CBX7: variants seen among roughly 807,000 people sequenced by gnomAD.
CBX7 encodes chromobox 7, also known as chromobox protein homolog 7.
In CBX7, 14 loss-of-function variants were observed where a neutral mutation model predicts 31.4. That is an observed-to-expected ratio of 0.45 (90% CI 0.29 to 0.70). The LOEUF (loss-of-function observed/expected upper bound fraction) is 0.70, where lower values mean the gene tolerates loss of function less well. CBX7 is among the 30% of genes least tolerant of loss of function. CBX7 has a pLI of 0.11. For synonymous variants in CBX7, 159 were observed against 152.6 expected (o/e 1.04, Z -0.31); for missense variants, 269 against 351.9 (o/e 0.76, Z 1.89).
chr22:39,145,095 G>A (rs1257377341), intron 2 of CBX7, among the ~76,000 whole-genome samples: 1 of 152,202 alleles, frequency 6.6e-6, no homozygotes, highest in African/African-American at 2.4e-5. Flanking sequence ...CCGACCGCAG[G>A]GCGCGGCGCA....
At chr22:39,143,106 T>C (rs1167504068) in intron 2 of CBX7, among the ~76,000 whole-genome samples, 1 of 151,902 alleles carries the variant, frequency 6.6e-6, no homozygotes, top group Non-Finnish European at 1.5e-5. Flanking sequence ...ATACAAAAAT[T>C]AGCCAGACAT....
intron 2 of CBX7, chr22:39,148,456 A>G (rs1385497745): frequency 1.3e-5 from 2 of 152,316 alleles, no homozygotes; most frequent in Non-Finnish European, 2.9e-5. Context: ...CCTGGTGCGA[A>G]GCGAGAGAGG....
Position 39,134,756 on chromosome 22 carries a change from CG to C in CBX7, c.247-5del. 2 of 1,502,052 alleles carry C rather than the reference CG, an allele frequency of 1.3e-6. No individual in the cohort carries two copies. Among genetic ancestry groups the C allele is most frequent in the Non-Finnish European group, 8.9e-7 (1 of 1,117,386 alleles). 93.0% of individuals were successfully genotyped at this position (1,502,052 alleles called of 1,614,324 possible). ...GCAGGTCCATGCTGTACAGCCGCTGCGGGGGCAAGCCAGGGCAGCGCGGGTC... is the reference window on the plus strand; with the variant it reads ...GCAGGTCCATGCTGTACAGCCGCTGCGGGGCAAGCCAGGGCAGCGCGGGTC... On this transcript the variant is annotated splice_polypyrimidine_tract_variant and splice_region_variant and intron_variant, in intron 4 of 5. Transcript: ENST00000216133.
chr22:39,145,781 CGTGACCTCCCCGCCCCGCCCCACGGCCG>C (rs1930636573), intron 2 of CBX7, among the ~76,000 whole-genome samples: 1 of 151,212 alleles, frequency 6.6e-6, no homozygotes, highest in Non-Finnish European at 1.5e-5. Context: ...AACACGGCCA[CGTGACCTCCCCGCCCCGCCCCACGGCCG>C]GGTAAACAAG....
rs1390133673 is a variant in CBX7 at position 39,152,421 on chromosome 22, C to A, written c.24G>T (p.Glu8Asp). ...GGATGCTCTCCACGGCGAACACCTG[C>A]TCGCCGATGGCTGACAGCTCCATGC... is the stretch of plus-strand genomic sequence containing the variant. MELSAIG[E>D]QVFAVESIRK... Residue 8 changes from glutamate to aspartate, a missense_variant, in exon 1 of 6, where the codon GAG (glutamate) becomes GAT (aspartate). Physicochemically the swap from Glu to Asp is conservative, Grantham distance 45. Transcript: ENST00000216133. This position sits in a 1 kb window ranked among gnomAD's most constrained non-coding sequence, Gnocchi z 4.9. 3 of 1,331,738 alleles carry A rather than the reference C, an allele frequency of 2.3e-6. No homozygotes were observed. The allele number at this position is 1,331,738 out of a possible 1,614,324, so 82.5% of individuals were successfully genotyped here. A position where few individuals can be genotyped will look rare whatever the true frequency, so the allele number is the denominator to read the frequency against.
chr22:39,140,963 G>C (rs1007855709), intron 3 of CBX7, among the ~76,000 whole-genome samples: 1 of 152,196 alleles, frequency 6.6e-6, no homozygotes, highest in African/African-American at 2.4e-5. Context: ...CACCGTCTCT[G>C]ATCTGTCACC....
At chr22:39,144,838 G>A (rs1930585456) in intron 2 of CBX7, among the ~76,000 whole-genome samples, 1 of 152,250 alleles carries the variant, frequency 6.6e-6, no homozygotes, top group Admixed American at 6.5e-5. Context: ...GGGACCGCCA[G>A]GACCGCACCC....
At chr22:39,149,385 G>A (rs886850632) in intron 2 of CBX7, 2 of 233,516 alleles carry the variant, frequency 8.6e-6, no homozygotes, top group Non-Finnish European at 8.4e-6. Context: ...TCTGCCCCTG[G>A]CCACACAGCA....
chr22:39,141,301 C>T, intron 3 of CBX7, 70 bp downstream of exon 3: 1 of 1,413,656 alleles, frequency 7.1e-7, no homozygotes, highest in Non-Finnish European at 9.8e-7. Context: ...CCTGCCAAGC[C>T]AGCAGCAGGC....
chr22:39,134,400 C>T lies in CBX7; in HGVS notation c.598+1G>A. On this transcript the variant is annotated splice_donor_variant, in intron 5 of 5. Transcript: ENST00000216133. LOFTEE classifies it high-confidence loss of function. ...GGGTCTCTGGGCTGGGGCCGCCTTA[C>T]CCTCCTCTTCAGGGGGCTGCGCAGC... is the stretch of plus-strand genomic sequence containing the variant. 2 of 1,596,638 alleles carry T rather than the reference C, an allele frequency of 1.3e-6. No homozygotes were observed. The highest frequency in any genetic ancestry group is 1.7e-6 in the Non-Finnish European group (2 of 1,178,220).
At chr22:39,134,238 G>T in intron 5 of CBX7, 163 bp downstream of exon 5, 1 of 853,630 alleles carries the variant, frequency 1.2e-6, no homozygotes, top group African/African-American at 1.7e-5. Flanking sequence ...CTCAGCCAGA[G>T]CGGGACGACA....
At chr22:39,145,915 C>G (rs1480498837) in intron 2 of CBX7, among the ~76,000 whole-genome samples, 9 of 152,100 alleles carry the variant, frequency 5.9e-5, no homozygotes, top group Non-Finnish European at 1.0e-4. Flanking sequence ...AGGACCCCCG[C>G]CGGCCTTTCC....
chr22:39,132,272 T>C lies in CBX7; in HGVS notation c.*1619A>G, dbSNP rs1009041103. On this transcript the variant is annotated 3_prime_UTR_variant, in exon 6 of 6. Transcript: ENST00000216133. ...AAGAATCACCCTCTCCTTGCCTCAG[T>C]AGACTCTGTGACTTCCTGAGGACAC... 6 of 152,364 alleles carry C rather than the reference T, an allele frequency of 3.9e-5. No individual in the cohort carries two copies. Among genetic ancestry groups the C allele is most frequent in the South Asian group, 2.1e-4 (1 of 4,828 alleles). The allele number at this position is 152,364 out of a possible 1,614,324, so 9.4% of individuals were successfully genotyped here. A position where few individuals can be genotyped will look rare whatever the true frequency, so the allele number is the denominator to read the frequency against.
In CBX7 at chr22:39,141,387, T is replaced by C. The variant is rs1930450231; in HGVS notation, c.163A>G (p.Met55Val). The change falls in exon 3 of 6, where the codon ATG becomes GTG. Residue 55 changes from methionine to valine, a missense_variant. Physicochemically the swap from Met to Val is conservative, Grantham distance 21. Coordinates refer to ENST00000216133, the MANE Select transcript of CBX7 (RefSeq NM_175709.5). The part of the protein sequence containing the change: ...EEHILDPRLV[M>V]AYEEKEERDR... ...ACACCGTACTTCTCCTCGTAGGCCA[T>C]GACGAGGCGGGGGTCCAAGATGTGC... 6.2e-7 allele frequency: 1 copy of C among 1,612,312 alleles called. No individual in the cohort carries two copies. The highest frequency in any genetic ancestry group is 2.2e-5 in the East Asian group (1 of 44,788).
In CBX7 at chr22:39,140,817, C is replaced by T. The variant is rs188469893; in HGVS notation, c.179+554G>A. 4.9e-3 allele frequency among the ~76,000 whole-genome samples: 739 copies of T among 152,112 alleles called. 3 individuals carry two copies. Among genetic ancestry groups the T allele is most frequent in the Non-Finnish European group, 7.9e-3 (536 of 67,956 alleles). ...GCCCTGGCAGAGGTGGGAGACTGTG[C>T]CTGGGCCACTTGGACAGGAGGTGGC... On this transcript the variant is annotated intron_variant, in intron 3 of 5. Coordinates refer to ENST00000216133, the MANE Select transcript of CBX7 (RefSeq NM_175709.5).
intron 2 of CBX7, among the ~76,000 whole-genome samples, chr22:39,142,297 C>T (rs1930487707): frequency 6.6e-6 from 1 of 152,180 alleles, no homozygotes; most frequent in African/African-American, 2.4e-5. Context: ...CTGTTCCTCC[C>T]CGCCCTCCAA....
rs1197858755 is a variant in CBX7 at position 39,152,501 on chromosome 22, G to T, written c.-57C>A. 1 of 806,634 alleles carries T rather than the reference G, an allele frequency of 1.2e-6. No homozygotes were observed. The highest frequency in any genetic ancestry group is 1.5e-6 in the Non-Finnish European group (1 of 666,392). The allele number at this position is 806,634 out of a possible 1,614,324, so 50.0% of individuals were successfully genotyped here. A position where few individuals can be genotyped will look rare whatever the true frequency, so the allele number is the denominator to read the frequency against. On this transcript the variant is annotated 5_prime_UTR_variant, in exon 1 of 6. Coordinates refer to ENST00000216133, the MANE Select transcript of CBX7 (RefSeq NM_175709.5). The surrounding 1 kb of genome is among the most constrained non-coding windows in gnomAD (Gnocchi z 4.9). Reference sequence around the variant, plus strand: ...GGCCGGGCCGGGGGCGGAGCTGCGGGGCCGCGGCTGCGGCGCGCGATGCTG... The same window carrying T: ...GGCCGGGCCGGGGGCGGAGCTGCGGTGCCGCGGCTGCGGCGCGCGATGCTG...
intron 2 of CBX7, chr22:39,148,862 A>G (rs977901473): frequency 6.6e-6 from 1 of 152,016 alleles, no homozygotes; most frequent in African/African-American, 2.4e-5. Flanking sequence ...CCCCACCATC[A>G]CCCCAGAATG....
chr22:39,152,098 C>T lies in CBX7; in HGVS notation c.69+278G>A, dbSNP rs1178108729. On this transcript the variant is annotated intron_variant, in intron 1 of 5. Transcript: ENST00000216133. The surrounding 1 kb of genome is among the most constrained non-coding windows in gnomAD (Gnocchi z 4.9). ...CCCCATATTTACAATAAAAGGGGAGCGAGGTGGGATGGCGCTGAGGATCCC... is the reference window on the plus strand; with the variant it reads ...CCCCATATTTACAATAAAAGGGGAGTGAGGTGGGATGGCGCTGAGGATCCC... 1.3e-5 allele frequency among the ~76,000 whole-genome samples: 2 copies of T among 152,122 alleles called. No homozygotes were observed. Among genetic ancestry groups the T allele is most frequent in the African/African-American group, 4.8e-5 (2 of 41,434 alleles).
Sources: gnomAD v4.1 joint callset for allele counts (sites outside exome capture counted in the v4.1 genomes callset) on GRCh38, gnomAD v4.1.1 for gene constraint, Gnocchi (gnomAD v3.1) non-coding constraint, MANE v1.5 for transcripts, NCBI Gene and HGNC (gene_info 2026-07-23, HGNC 2026-07-21) for gene names.